DACH2: variants seen among roughly 807,000 people sequenced by gnomAD.
The protein encoded by DACH2 is dachshund homolog 2.
DACH2 carries 17 observed loss-of-function variants against 35.8 expected under a neutral mutation model. The ratio of observed to expected loss-of-function variants is 0.48; its 90% CI spans 0.33 to 0.71. DACH2 has a LOEUF of 0.71. Among genes scored for constraint, DACH2 ranks in the 30% least tolerant of loss-of-function variants. DACH2 has a pLI of 0.02. For missense variants in DACH2, 469 were observed against 472.7 expected, an observed-to-expected ratio of 0.99 and a Z score of 0.07; for synonymous variants, 195 against 177.3, an observed-to-expected ratio of 1.10 and a Z score of -0.79.
At chrX:86,720,931 AG>A (rs1002561767) in intron 6 of DACH2, among the ~76,000 whole-genome samples, 1 of 112,597 alleles carries the variant, frequency 8.9e-6, no homozygotes, top group African/African-American at 3.2e-5. Flanking sequence ...GCACACCTGC[AG>A]GCCTAACACC....
At chrX:86,314,398 G>A (rs956829712) in intron 1 of DACH2, among the ~76,000 whole-genome samples, 1 of 110,896 alleles carries the variant, frequency 9.0e-6, no homozygotes, top group Non-Finnish European at 1.9e-5. Context: ...CATGCCTGTA[G>A]TCCCAGCTGC....
intron 1 of DACH2, among the ~76,000 whole-genome samples, chrX:86,272,199 AGT>A (rs139733313): frequency 2.4e-3 from 237 of 100,377 alleles, no homozygotes; most frequent in Non-Finnish European, 3.3e-3. Flanking sequence ...TTCCTTTGAG[AGT>A]GTGTGTGTGT....
chrX:86,757,585 T>A (rs2041841003), intron 7 of DACH2, among the ~76,000 whole-genome samples: 1 of 112,240 alleles, frequency 8.9e-6, no homozygotes, highest in African/African-American at 3.2e-5. Context: ...GAATTGTAAT[T>A]CCCATGTGTT....
At chrX:86,422,340 A>G (rs768867059) in intron 2 of DACH2, among the ~76,000 whole-genome samples, 4 of 111,103 alleles carry the variant, frequency 3.6e-5, no homozygotes, top group Non-Finnish European at 7.6e-5. Context: ...TTCTAATTCC[A>G]TTATTTACTT....
intron 7 of DACH2, among the ~76,000 whole-genome samples, chrX:86,772,846 G>T (rs745785068): frequency 9.0e-6 from 1 of 110,926 alleles, no homozygotes; most frequent in Non-Finnish European, 1.9e-5. Context: ...GACATTTAGA[G>T]AATTCCTAAG....
chrX:86,610,413 CTTTCT>C (rs765232227), intron 3 of DACH2, among the ~76,000 whole-genome samples: 1,285 of 67,822 alleles, frequency 0.019, 15 homozygotes, highest in East Asian at 0.034. Flanking sequence ...TTCTTTCTTT[CTTTCT>C]TTTCTTTCTT....
intron 2 of DACH2, among the ~76,000 whole-genome samples, chrX:86,436,789 G>T (rs889740246): frequency 9.0e-6 from 1 of 111,335 alleles, no homozygotes; most frequent in Non-Finnish European, 1.9e-5. Context: ...ATTTTGGAAG[G>T]TTATTGTTTA....
chrX:86,819,950 T>G (rs1244263328), intron 11 of DACH2, among the ~76,000 whole-genome samples: 4 of 111,918 alleles, frequency 3.6e-5, no homozygotes, highest in African/African-American at 6.5e-5. Flanking sequence ...GCTAGTGGTA[T>G]AGTAGACAGT....
chrX:86,350,274 C>A lies in DACH2; in HGVS notation c.489-26550C>A, dbSNP rs1374181982. The stretch of plus-strand genomic sequence containing the variant: ...GTTCATTGTAGATTCTGGATATTAG[C>A]CCTTTGTCAGATGAGTAGGATGCGA... On this transcript the variant is annotated intron_variant, in intron 1 of 11. Transcript: ENST00000373125. Among the ~76,000 whole-genome samples the A allele has an allele frequency of 6.1e-5, 2 of 32,591 alleles. 1 individual carries two copies. Among genetic ancestry groups the A allele is most frequent in the Non-Finnish European group, 1.0e-4 (2 of 20,050 alleles). 28.3% of individuals were successfully genotyped at this position (32,591 alleles called of 115,157 possible). A position where few individuals can be genotyped will look rare whatever the true frequency, so the allele number is the denominator to read the frequency against.
chrX:86,684,353 C>T (rs1211374733), intron 4 of DACH2, among the ~76,000 whole-genome samples: 1 of 110,959 alleles, frequency 9.0e-6, no homozygotes, highest in Non-Finnish European at 1.9e-5. Context: ...ATTATTCTGC[C>T]TCCTTCTATG....
At chrX:86,181,068 A>G (rs953142163) in intron 1 of DACH2, among the ~76,000 whole-genome samples, 8 of 110,653 alleles carry the variant, frequency 7.2e-5, no homozygotes, top group Non-Finnish European at 1.3e-4. Context: ...ATTTCCCCAA[A>G]CATAGATGGT....
At chrX:86,430,580 T>C (rs1467817839) in intron 2 of DACH2, among the ~76,000 whole-genome samples, 1 of 112,279 alleles carries the variant, frequency 8.9e-6, no homozygotes, top group Non-Finnish European at 1.9e-5. Flanking sequence ...CTCCTGTGGG[T>C]ACAACGTAGG....
At chrX:86,824,616 A>G (rs760898199) in intron 11 of DACH2, among the ~76,000 whole-genome samples, 3 of 112,189 alleles carry the variant, frequency 2.7e-5, no homozygotes, top group Non-Finnish European at 5.6e-5. Context: ...TGTCCATGAA[A>G]TCTTCACAAT....
At chrX:86,642,853 G>T (rs1262692143) in intron 3 of DACH2, among the ~76,000 whole-genome samples, 1 of 111,634 alleles carries the variant, frequency 9.0e-6, no homozygotes, top group Admixed American at 9.5e-5. Flanking sequence ...GCTCCTGAAA[G>T]ATTTGTGGTA....
At chrX:86,490,644 T>TTGGTTATATCCTA (rs1347070679) in intron 2 of DACH2, among the ~76,000 whole-genome samples, 2 of 111,561 alleles carry the variant, frequency 1.8e-5, no homozygotes, top group Non-Finnish European at 3.8e-5. Flanking sequence ...TGGCTACGTG[T>TTGGTTATATCCTA]TGGTTATATC....
At chrX:86,201,292 G>A (rs2032149803) in intron 1 of DACH2, among the ~76,000 whole-genome samples, 1 of 106,483 alleles carries the variant, frequency 9.4e-6, no homozygotes. Flanking sequence ...TCTTGAGGGG[G>A]GTGGGTGGGA....
intron 2 of DACH2, among the ~76,000 whole-genome samples, chrX:86,408,632 G>A (rs1341892601): frequency 8.9e-6 from 1 of 111,775 alleles, no homozygotes; most frequent in African/African-American, 3.3e-5. Context: ...AGCTACATTT[G>A]TATGAGGCTC....
intron 6 of DACH2, among the ~76,000 whole-genome samples, chrX:86,728,795 A>G (rs1452207220): frequency 8.9e-6 from 1 of 112,973 alleles, no homozygotes. Flanking sequence ...TTAATACTAC[A>G]GACACACAGA....
At chrX:86,569,791 G>A (rs1194307649) in intron 3 of DACH2, among the ~76,000 whole-genome samples, 2 of 111,470 alleles carry the variant, frequency 1.8e-5, no homozygotes, top group African/African-American at 3.3e-5. Context: ...ACTATCATCA[G>A]AGCAAATAGA....
Sources: allele counts gnomAD v4.1 joint callset (sites outside exome capture counted in the v4.1 genomes callset), GRCh38; gene constraint gnomAD v4.1.1; transcripts MANE v1.5; gene names NCBI Gene and HGNC (gene_info 2026-07-23, HGNC 2026-07-21).